The following AGMO variants were observed in gnomAD, a reference collection of about 807,000 sequenced individuals.
The protein encoded by AGMO is alkylglycerol monooxygenase, also known as glyceryl-ether monooxygenase.
In AGMO, 75 loss-of-function variants were observed where a neutral mutation model predicts 60.2. That is an observed-to-expected ratio of 1.25 (90% confidence interval 1.03 to 1.51). AGMO has a LOEUF of 1.51. Among genes scored for constraint, AGMO ranks in the 40% most tolerant of loss-of-function variants. The pLI is 0.00. For missense variants in AGMO, 763 were observed against 525.5 expected, an observed-to-expected ratio of 1.45 and a Z score of -4.42; for synonymous variants, 261 against 177.1, an observed-to-expected ratio of 1.47 and a Z score of -3.76.
At chr7:15,487,657 G>T (rs75661193) in intron 3 of AGMO, among the ~76,000 whole-genome samples, 1 of 151,790 alleles carries the variant, frequency 6.6e-6, no homozygotes, top group Non-Finnish European at 1.5e-5. Flanking sequence ...AACAATAAAC[G>T]TCCTTATATG....
intron 10 of AGMO, among the ~76,000 whole-genome samples, chr7:15,377,312 A>G (rs1338593279): frequency 6.6e-6 from 1 of 152,092 alleles, no homozygotes; most frequent in Non-Finnish European, 1.5e-5. Context: ...CTCCAACTCT[A>G]CTTTCAGTTT....
intron 12 of AGMO, among the ~76,000 whole-genome samples, chr7:15,354,513 TATATATATATATATATATATATATA>T (rs1190922023): frequency 2.3e-5 from 2 of 87,172 alleles, no homozygotes; most frequent in East Asian, 6.9e-4. Flanking sequence ...TATATATATA[TATATATATATATATATATATATATA>T]TAGCTCCCCT....
chr7:15,516,114 A>C (rs924427208), intron 3 of AGMO, among the ~76,000 whole-genome samples: 2 of 152,226 alleles, frequency 1.3e-5, no homozygotes, highest in South Asian at 2.1e-4. Flanking sequence ...TTCAAAACAT[A>C]ATGTTTTACA....
At chr7:15,244,754 C>T (rs967179657) in intron 12 of AGMO, among the ~76,000 whole-genome samples, 1 of 152,050 alleles carries the variant, frequency 6.6e-6, no homozygotes, top group Non-Finnish European at 1.5e-5. Context: ...CGGGTTCATG[C>T]CTTTCTCCTG....
intron 3 of AGMO, among the ~76,000 whole-genome samples, chr7:15,502,609 C>A (rs960202585): frequency 6.6e-6 from 1 of 151,718 alleles, no homozygotes; most frequent in Admixed American, 6.6e-5. Context: ...CTAGGAAATG[C>A]CGGGGTAAAT....
chr7:15,376,360 C>A (rs541625225), intron 10 of AGMO, among the ~76,000 whole-genome samples: 1 of 147,350 alleles, frequency 6.8e-6, no homozygotes, highest in African/African-American at 2.6e-5. Context: ...CTGTAAGAGT[C>A]GACCAAAATA....
chr7:15,353,790 G>C (rs1782347537), intron 12 of AGMO, among the ~76,000 whole-genome samples: 1 of 152,128 alleles, frequency 6.6e-6, no homozygotes, highest in Non-Finnish European at 1.5e-5. Flanking sequence ...GCACTTGTTG[G>C]ATGCCTGTGT....
chr7:15,431,537 T>C (rs1325147597), intron 3 of AGMO, among the ~76,000 whole-genome samples: 1 of 151,798 alleles, frequency 6.6e-6, no homozygotes, highest in African/African-American at 2.4e-5. Flanking sequence ...GAGAAATTGG[T>C]ATGGAAATTT....
intron 5 of AGMO, among the ~76,000 whole-genome samples, chr7:15,395,567 G>C (rs866417057): frequency 3.9e-5 from 6 of 152,104 alleles, no homozygotes; most frequent in Non-Finnish European, 7.4e-5. Context: ...ATACACGACA[G>C]CTGATCCAGA....
intron 12 of AGMO, among the ~76,000 whole-genome samples, chr7:15,335,630 A>C (rs921754322): frequency 3.3e-5 from 5 of 152,160 alleles, no homozygotes; most frequent in Admixed American, 6.6e-5. Flanking sequence ...ATACTAGCGA[A>C]GGCCACTGCC....
At chr7:15,502,318 C>A (rs947744438) in intron 3 of AGMO, among the ~76,000 whole-genome samples, 5 of 151,888 alleles carry the variant, frequency 3.3e-5, no homozygotes, top group African/African-American at 1.2e-4. Context: ...AAGTCCCCCA[C>A]CCCTAAATAC....
the AGMO span, among the ~76,000 whole-genome samples, chr7:15,146,390 A>G: frequency 6.6e-6 from 1 of 152,208 alleles, no homozygotes; most frequent in East Asian, 1.9e-4. Flanking sequence ...AAAGAAAGAA[A>G]AATGTGATAG....
At chr7:15,357,266 G>C (rs911811628) in intron 12 of AGMO, among the ~76,000 whole-genome samples, 2 of 147,778 alleles carry the variant, frequency 1.4e-5, no homozygotes, top group Non-Finnish European at 3.0e-5. Flanking sequence ...TAGCAGACTA[G>C]CATACTTACC....
chr7:15,277,554 T>A (rs551140312), intron 12 of AGMO, among the ~76,000 whole-genome samples: 1 of 152,100 alleles, frequency 6.6e-6, no homozygotes, highest in African/African-American at 2.4e-5. Context: ...TATTTTAAAT[T>A]TTCTCCATCC....
intron 3 of AGMO, among the ~76,000 whole-genome samples, chr7:15,436,133 T>G (rs35026382): frequency 6.6e-6 from 1 of 152,056 alleles, no homozygotes. Context: ...TTGACACCAC[T>G]GAAATCATAT....
intron 3 of AGMO, among the ~76,000 whole-genome samples, chr7:15,527,692 A>G (rs1186737680): frequency 6.6e-6 from 1 of 152,214 alleles, no homozygotes; most frequent in Non-Finnish European, 1.5e-5. Flanking sequence ...CAATTTTCAT[A>G]GTTAGAAGTT....
At chr7:15,268,029 A>AT (rs1288560585) in intron 12 of AGMO, among the ~76,000 whole-genome samples, 3 of 151,996 alleles carry the variant, frequency 2.0e-5, no homozygotes, top group Admixed American at 2.0e-4. Context: ...GGTGCCAAAC[A>AT]TAGGTTGCAT....
At chr7:15,294,339 G>A (rs1784354622) in intron 12 of AGMO, among the ~76,000 whole-genome samples, 1 of 151,522 alleles carries the variant, frequency 6.6e-6, no homozygotes, top group Admixed American at 6.6e-5. Context: ...TATTTCTGGA[G>A]GTCCTTAAAA....
chr7:15,275,092 G>T (rs886085332), intron 12 of AGMO, among the ~76,000 whole-genome samples: 8 of 151,746 alleles, frequency 5.3e-5, no homozygotes, highest in Non-Finnish European at 1.0e-4. Context: ...GCTAGCTGTG[G>T]GTTTGGTATG....
Sources: gnomAD v4.1 joint callset for allele counts (sites outside exome capture counted in the v4.1 genomes callset) on GRCh38, gnomAD v4.1.1 for gene constraint, MANE v1.5 for transcripts, NCBI Gene and HGNC (gene_info 2026-07-23, HGNC 2026-07-21) for gene names.